The following ANO4 variants were observed in gnomAD, a reference collection of about 807,000 sequenced individuals.
ANO4 encodes the protein anoctamin-4.
Under a neutral mutation model 141.9 loss-of-function variants are expected in ANO4, and 69 were observed. The ratio of observed to expected loss-of-function variants is 0.49; its 90% CI spans 0.40 to 0.59. The LOEUF is 0.59. Among genes scored for constraint, ANO4 ranks in the 20% least tolerant of loss-of-function variants. ANO4 has a pLI of 0.00. For missense variants in ANO4, 894 were observed against 1,162.2 expected (o/e 0.77, Z 3.36); for synonymous variants, 350 against 394.3 (o/e 0.89, Z 1.33).
chr12:100,773,823 AT>A (rs2033389367), intron 3 of ANO4, among the ~76,000 whole-genome samples: 2 of 152,204 alleles, frequency 1.3e-5, no homozygotes, highest in South Asian at 4.1e-4. Flanking sequence ...AATAACCTCT[AT>A]TGTGATGCCA....
At chr12:100,956,776 A>G (rs546224983) in intron 5 of ANO4, among the ~76,000 whole-genome samples, 83 of 152,314 alleles carry the variant, frequency 5.4e-4, no homozygotes, top group African/African-American at 1.9e-3. Context: ...TGATTGTTCA[A>G]GGGGATCTCC....
chr12:100,986,682 A>AT (rs553000754), intron 7 of ANO4, among the ~76,000 whole-genome samples: 1 of 152,146 alleles, frequency 6.6e-6, no homozygotes, highest in Non-Finnish European at 1.5e-5. Context: ...TTTAGAAGGT[A>AT]TTTTTTCCAG....
rs377439435 is a variant in ANO4, at chr12:101,020,208, T to A, written c.841+68T>A. The A allele has an allele frequency of 4.1e-4, 461 of 1,116,574 alleles. 9 individuals are homozygous for A. In the South Asian group the frequency reaches 5.9e-3, roughly 14 times the overall value. 69.2% of individuals were successfully genotyped at this position (1,116,574 alleles called of 1,614,324 possible). ...GAATTACAGACTTCTTCCCTTGGTT[T>A]TATTAAGTTTGTATCAATTCTAGCA... On this transcript the variant is annotated intron_variant, in intron 9 of 27. Coordinates refer to ENST00000392977, the MANE Select transcript of ANO4 (RefSeq NM_001286615.2).
At chr12:100,722,248 C>G (rs1378396922) in intron 1 of ANO4, among the ~76,000 whole-genome samples, 1 of 152,156 alleles carries the variant, frequency 6.6e-6, no homozygotes, top group Non-Finnish European at 1.5e-5. Flanking sequence ...GTCCAGGCCA[C>G]CATCATTGCC....
At position 100,989,096 on chromosome 12, in the gene ANO4, C is replaced by T. The variant is rs752460988; in HGVS notation, c.734+1426C>T. ...GCAGTCTAATGCAGGGGAAGCAACT[C>T]TGTACGCCTCTGAAATAGCCGAGCT... On this transcript the variant is annotated intron_variant, in intron 8 of 27. Coordinates refer to ENST00000392977, the MANE Select transcript of ANO4 (RefSeq NM_001286615.2). 9.2e-4 allele frequency among the ~76,000 whole-genome samples: 140 copies of T among 152,240 alleles called. 1 individual carries two copies. Among genetic ancestry groups the T allele is most frequent in the Middle Eastern group, 3.4e-3 (1 of 294 alleles).
intron 1 of ANO4, among the ~76,000 whole-genome samples, chr12:100,826,508 A>G (rs1358865336): frequency 6.6e-6 from 1 of 152,054 alleles, no homozygotes; most frequent in East Asian, 1.9e-4. Flanking sequence ...TATTTGGTCC[A>G]TACCAGCGTG....
At chr12:100,946,009 G>A (rs528805148) in intron 5 of ANO4, among the ~76,000 whole-genome samples, 1 of 152,294 alleles carries the variant, frequency 6.6e-6, no homozygotes, top group Admixed American at 6.5e-5. Flanking sequence ...AGTAAAGCAG[G>A]AAGTGTTGAG....
At chr12:100,934,106 A>T (rs967235368) in intron 3 of ANO4, among the ~76,000 whole-genome samples, 1 of 152,052 alleles carries the variant, frequency 6.6e-6, no homozygotes, top group Non-Finnish European at 1.5e-5. Flanking sequence ...GTTTAATTAC[A>T]TCCCATTTGT....
At position 100,994,375 on chromosome 12, in the gene ANO4, C is replaced by G. The variant is rs929826373; in HGVS notation, c.734+6705C>G. On this transcript the variant is annotated intron_variant, in intron 8 of 27. Transcript: ENST00000392977. ...TCATTGCCCTTCATTCTTAAAATGG[C>G]ATTAGCGATGACACCCTTGAGGCAA... is the stretch of plus-strand genomic sequence containing the variant. Among the ~76,000 whole-genome samples, 18 of 152,300 alleles carry G rather than the reference C, an allele frequency of 1.2e-4. 1 individual carries two copies. Among genetic ancestry groups the G allele is most frequent in the Admixed American group, 1.2e-3 (18 of 15,306 alleles).
intron 1 of ANO4, among the ~76,000 whole-genome samples, chr12:100,841,555 A>C (rs1223068521): frequency 3.3e-5 from 5 of 152,122 alleles, no homozygotes; most frequent in African/African-American, 1.2e-4. Flanking sequence ...CAAGCTACCA[A>C]AACAGAATGG....
At chr12:100,738,158 T>G (rs1296864366) in intron 2 of ANO4, among the ~76,000 whole-genome samples, 2 of 152,188 alleles carry the variant, frequency 1.3e-5, no homozygotes, top group African/African-American at 4.8e-5. Context: ...CTTCACAATT[T>G]TGGGTTCAGT....
intron 3 of ANO4, among the ~76,000 whole-genome samples, chr12:100,788,381 G>A (rs1179659780): frequency 6.6e-6 from 1 of 152,198 alleles, no homozygotes; most frequent in Non-Finnish European, 1.5e-5. Flanking sequence ...CTTAGTTCCA[G>A]TTATAGAGGT....
intron 14 of ANO4, among the ~76,000 whole-genome samples, chr12:101,059,592 T>C (rs1456584032): frequency 6.6e-6 from 1 of 152,186 alleles, no homozygotes; most frequent in African/African-American, 2.4e-5. Context: ...TTTTTCTTCT[T>C]CCTGGTTTAG....
intron 1 of ANO4, among the ~76,000 whole-genome samples, chr12:100,865,877 G>T (rs2038728949): frequency 6.6e-6 from 1 of 152,204 alleles, no homozygotes; most frequent in African/African-American, 2.4e-5. Context: ...GGTTGGGGGA[G>T]GAGATAGCCA....
chr12:100,974,812 T>A (rs1175664047), intron 6 of ANO4, 33 bp from the exon 7 acceptor site: 2 of 1,613,446 alleles, frequency 1.2e-6, no homozygotes, highest in East Asian at 2.2e-5. Flanking sequence ...TGGGTTTTCT[T>A]CTCGACTGGC....
At chr12:100,811,040 C>T (rs2035398139) in intron 1 of ANO4, among the ~76,000 whole-genome samples, 1 of 152,068 alleles carries the variant, frequency 6.6e-6, no homozygotes, top group East Asian at 1.9e-4. Context: ...CTAAATTTAG[C>T]TTTAAGCAAT....
chr12:100,812,745 A>G (rs1350232864), intron 1 of ANO4, among the ~76,000 whole-genome samples: 2 of 152,188 alleles, frequency 1.3e-5, no homozygotes, highest in Non-Finnish European at 2.9e-5. Context: ...CCAACATCAG[A>G]TAAGAATTTC....
At chr12:101,035,125 C>A (rs1172108427) in intron 9 of ANO4, among the ~76,000 whole-genome samples, 1 of 151,954 alleles carries the variant, frequency 6.6e-6, no homozygotes, top group African/African-American at 2.4e-5. Context: ...TTGTAATAGC[C>A]CCCAAACTAT....
rs1448349146 is a variant in ANO4 at position 100,951,620 on chromosome 12, G to C, written c.456+9085G>C. ...ATACTGCATGTTTTTACTTATAAAT[G>C]GGAGCTGAACGATGAGAACACATGG... On this transcript the variant is annotated intron_variant, in intron 5 of 27. Coordinates refer to ENST00000392977, the MANE Select transcript of ANO4 (RefSeq NM_001286615.2). 2.0e-5 allele frequency among the ~76,000 whole-genome samples: 3 copies of C among 152,292 alleles called. No homozygotes were observed. The East Asian group carries it at 5.8e-4, about 29-fold the overall frequency.
Sources: gnomAD v4.1 joint callset for allele counts (sites outside exome capture counted in the v4.1 genomes callset) on GRCh38, gnomAD v4.1.1 for gene constraint, MANE v1.5 for transcripts, NCBI Gene and HGNC (gene_info 2026-07-23, HGNC 2026-07-21) for gene names.